The following CSMD1 variants were observed in gnomAD, a reference collection of about 807,000 sequenced individuals.
CSMD1 encodes CUB and sushi domain-containing protein 1.
A neutral mutation model predicts 417.5 loss-of-function variants in CSMD1; 213 were observed. The ratio of observed to expected loss-of-function variants is 0.51; its 90% confidence interval spans 0.46 to 0.57. The LOEUF is 0.57. Among genes scored for constraint, CSMD1 ranks in the 20% least tolerant of loss-of-function variants. CSMD1 has a pLI of 0.00. For synonymous variants in CSMD1, 2,862 were observed against 1,736.8 expected (o/e 1.65, Z -16.11); for missense variants, 6,923 against 4,529.7 (o/e 1.53, Z -15.17).
Position 3,878,441 on chromosome 8 carries a change from G to C in CSMD1, c.818+119462C>G, listed in dbSNP as rs537291489. Among the ~76,000 whole-genome samples, 392 of 152,164 alleles carry C rather than the reference G, an allele frequency of 2.6e-3. 1 individual carries two copies. Among genetic ancestry groups the C allele is most frequent in the African/African-American group, 6.9e-3 (286 of 41,516 alleles). On this transcript the variant is annotated intron_variant, in intron 5 of 69. Coordinates refer to ENST00000635120, the MANE Select transcript of CSMD1 (RefSeq NM_033225.6). The stretch of plus-strand genomic sequence containing the variant: ...TAATATCAACAATGATACCAGTCTT[G>C]CCTTTCCAGTGTAAACATGAACAGA...
intron 5 of CSMD1, among the ~76,000 whole-genome samples, chr8:3,814,199 C>T (rs1801244560): frequency 6.6e-6 from 1 of 152,182 alleles, no homozygotes; most frequent in Non-Finnish European, 1.5e-5. Context: ...ACACTTTCAA[C>T]ATGTTTCCCA....
intron 3 of CSMD1, among the ~76,000 whole-genome samples, chr8:4,307,117 G>C (rs1040395404): frequency 6.6e-6 from 1 of 152,104 alleles, no homozygotes; most frequent in Non-Finnish European, 1.5e-5. Flanking sequence ...AAGGCCGGCT[G>C]CCTCCTTGTC....
intron 2 of CSMD1, among the ~76,000 whole-genome samples, chr8:4,625,431 CTTATT>C (rs1802039758): frequency 6.6e-6 from 1 of 152,084 alleles, no homozygotes; most frequent in Non-Finnish European, 1.5e-5. Flanking sequence ...TTGAGAGTGC[CTTATT>C]TTAATGAGTC....
At chr8:4,017,316 G>T (rs775796825) in intron 4 of CSMD1, among the ~76,000 whole-genome samples, 2 of 151,760 alleles carry the variant, frequency 1.3e-5, no homozygotes, top group African/African-American at 2.4e-5. Context: ...TTCTTTTTAG[G>T]GGAGGGAGGA....
intron 10 of CSMD1, among the ~76,000 whole-genome samples, chr8:3,545,644 C>T (rs1305744347): frequency 6.6e-6 from 1 of 152,188 alleles, no homozygotes; most frequent in Non-Finnish European, 1.5e-5. Flanking sequence ...GGTGCATCAT[C>T]AGCGGTGGAC....
chr8:4,530,279 G>C (rs919612829), intron 2 of CSMD1, among the ~76,000 whole-genome samples: 54 of 123,110 alleles, frequency 4.4e-4, no homozygotes, highest in Middle Eastern at 6.5e-3. Context: ...ATTTAAATAA[G>C]CAAATATTGT....
At chr8:4,802,059 T>C (rs573611721) in intron 1 of CSMD1, among the ~76,000 whole-genome samples, 1 of 152,216 alleles carries the variant, frequency 6.6e-6, no homozygotes, top group African/African-American at 2.4e-5. Flanking sequence ...CGTAGCTATA[T>C]AGCCTAGTTG....
At chr8:4,622,182 A>C (rs1337892574) in intron 2 of CSMD1, among the ~76,000 whole-genome samples, 1 of 151,854 alleles carries the variant, frequency 6.6e-6, no homozygotes, top group African/African-American at 2.4e-5. Context: ...TAAAAAAAAA[A>C]AAAAAGAATG....
Position 3,108,752 on chromosome 8 carries a change from G to C in CSMD1, c.6609-4C>G. ...TGAGTTCTGATCGGGACCGTCCCTA[G>C]GAAAGACAGAAAGAGGTGGCTGGCT... On this transcript the variant is annotated splice_region_variant and splice_polypyrimidine_tract_variant and intron_variant, in intron 43 of 69. Transcript: ENST00000635120. 2 of 1,605,576 alleles carry C rather than the reference G, an allele frequency of 1.2e-6. No individual in the cohort carries two copies. The highest frequency in any genetic ancestry group is 1.7e-6 in the Non-Finnish European group (2 of 1,175,146).
intron 9 of CSMD1, among the ~76,000 whole-genome samples, chr8:3,585,499 T>C (rs1036347844): frequency 1.3e-5 from 2 of 152,208 alleles, no homozygotes; most frequent in Non-Finnish European, 2.9e-5. Flanking sequence ...ACAACCAAAA[T>C]AATTTTCTGC....
intron 3 of CSMD1, among the ~76,000 whole-genome samples, chr8:4,127,610 A>G (rs890615662): frequency 3.7e-4 from 57 of 152,180 alleles, no homozygotes; most frequent in Middle Eastern, 3.4e-3. Context: ...CACCACATAC[A>G]ACACCCAAAG....
At chr8:4,783,647 TC>T (rs1797264547) in intron 1 of CSMD1, among the ~76,000 whole-genome samples, 1 of 152,208 alleles carries the variant, frequency 6.6e-6, no homozygotes, top group Admixed American at 6.5e-5. Flanking sequence ...TCCAGGGAGC[TC>T]TTGTCATGAA....
chr8:4,953,990 A>C (rs1381747080), intron 1 of CSMD1, among the ~76,000 whole-genome samples: 1 of 152,168 alleles, frequency 6.6e-6, no homozygotes, highest in Admixed American at 6.5e-5. Context: ...GATTACCAGA[A>C]ACACAGCAGC....
chr8:4,311,611 T>C (rs1015177377), intron 3 of CSMD1, among the ~76,000 whole-genome samples: 16 of 150,584 alleles, frequency 1.1e-4, no homozygotes, highest in Non-Finnish European at 1.8e-4. Context: ...TAGTCCCAGC[T>C]ACTTGGGAAG....
chr8:3,659,698 A>T (rs575824501), intron 7 of CSMD1, among the ~76,000 whole-genome samples: 46 of 152,272 alleles, frequency 3.0e-4, no homozygotes, highest in African/African-American at 1.1e-3. Flanking sequence ...GGCTTTCCAA[A>T]CAAGCTCAAA....
chr8:4,038,039 A>G (rs1442989133), intron 3 of CSMD1, among the ~76,000 whole-genome samples: 3 of 152,184 alleles, frequency 2.0e-5, no homozygotes, highest in Non-Finnish European at 4.4e-5. Flanking sequence ...GTAAATAAGT[A>G]TCAGAGGCTT....
At chr8:4,362,178 G>A (rs1801805561) in intron 3 of CSMD1, among the ~76,000 whole-genome samples, 1 of 152,142 alleles carries the variant, frequency 6.6e-6, no homozygotes, top group South Asian at 2.1e-4. Context: ...GTACAGTGAA[G>A]AAAAAGTCCA....
chr8:3,955,525 T>TA (rs1811882906), intron 5 of CSMD1, among the ~76,000 whole-genome samples: 1 of 152,200 alleles, frequency 6.6e-6, no homozygotes, highest in African/African-American at 2.4e-5. Context: ...CAACCTCTAA[T>TA]AAGTCAGTAG....
intron 3 of CSMD1, among the ~76,000 whole-genome samples, chr8:4,158,125 G>A (rs759802447): frequency 6.7e-6 from 1 of 148,502 alleles, no homozygotes; most frequent in Non-Finnish European, 1.5e-5. Context: ...TAAGATCCCT[G>A]CAGTCCCTGA....
Sources: allele counts gnomAD v4.1 joint callset (sites outside exome capture counted in the v4.1 genomes callset), GRCh38; gene constraint gnomAD v4.1.1; transcripts MANE v1.5; gene names NCBI Gene and HGNC (gene_info 2026-07-23, HGNC 2026-07-21).